ANO3: variants seen among roughly 807,000 people sequenced by gnomAD.
The protein encoded by ANO3 is anoctamin-3.
ANO3 carries 99 observed loss-of-function variants against 144.8 expected under a neutral mutation model. The observed-to-expected ratio is 0.68, with a 90% CI of 0.58 to 0.81. The LOEUF (loss-of-function observed/expected upper bound fraction) is 0.81. Among genes scored for constraint, ANO3 ranks in the 30% least tolerant of loss-of-function variants. The pLI, the probability that ANO3 is intolerant of heterozygous loss-of-function variation, is 0.00. For missense variants in ANO3, 905 were observed against 1,202.2 expected, an observed-to-expected ratio of 0.75 and a Z score of 3.66; for synonymous variants, 414 against 392.6, an observed-to-expected ratio of 1.05 and a Z score of -0.64.
At chr11:26,645,912 A>T (rs572522717) in intron 23 of ANO3, among the ~76,000 whole-genome samples, 56 of 152,310 alleles carry the variant, frequency 3.7e-4, no homozygotes, top group African/African-American at 1.2e-3. Flanking sequence ...AATAAATTTT[A>T]AAAAACTTCC....
Position 26,624,509 on chromosome 11 carries a change from T to A in ANO3, c.1873+11T>A, listed in dbSNP as rs1852518469. 6.3e-7 allele frequency: 1 copy of A among 1,597,020 alleles called. No homozygotes were observed. Among genetic ancestry groups the A allele is most frequent in the Non-Finnish European group, 8.6e-7 (1 of 1,165,534 alleles). ...TCCTCACCAATTTAGGTAAGTCCAT[T>A]TTTCTTACTTCACTCCTTAGTCAGA... is the stretch of plus-strand genomic sequence containing the variant. On this transcript the variant is annotated intron_variant, in intron 18 of 26. Transcript: ENST00000256737.
At chr11:26,350,087 GAAGA>G (rs1855603009) in intron 1 of ANO3, among the ~76,000 whole-genome samples, 1 of 149,990 alleles carries the variant, frequency 6.7e-6, no homozygotes, top group African/African-American at 2.5e-5. Context: ...GGAAGGGGGA[GAAGA>G]AAGAAACAGA....
chr11:26,403,989 C>T (rs755630408), intron 1 of ANO3, among the ~76,000 whole-genome samples: 5 of 151,748 alleles, frequency 3.3e-5, no homozygotes, highest in Non-Finnish European at 5.9e-5. Flanking sequence ...CAAAATTGTA[C>T]CATTCATTAT....
chr11:26,594,234 T>C (rs917536815), intron 14 of ANO3, among the ~76,000 whole-genome samples: 13 of 152,162 alleles, frequency 8.5e-5, no homozygotes, highest in Non-Finnish European at 1.6e-4. Flanking sequence ...TCTTCTGATT[T>C]TGCGTCCCAA....
chr11:26,444,424 C>T (rs933432669), intron 3 of ANO3, among the ~76,000 whole-genome samples: 3 of 152,080 alleles, frequency 2.0e-5, no homozygotes, highest in African/African-American at 7.2e-5. Context: ...ACTAATGTGT[C>T]AACACTTATT....
chr11:26,572,620 T>C (rs1850872092), intron 14 of ANO3, among the ~76,000 whole-genome samples: 2 of 152,022 alleles, frequency 1.3e-5, no homozygotes, highest in Admixed American at 1.3e-4. Context: ...AAAGCCTAAG[T>C]AGAGAAAATG....
intron 1 of ANO3, among the ~76,000 whole-genome samples, chr11:26,336,469 G>T (rs1428697631): frequency 6.6e-6 from 1 of 152,118 alleles, no homozygotes; most frequent in African/African-American, 2.4e-5. Context: ...TAATAAGAAT[G>T]TTTTACACTT....
intron 1 of ANO3, among the ~76,000 whole-genome samples, chr11:26,236,415 T>C (rs1267255837): frequency 7.8e-6 from 1 of 127,706 alleles, no homozygotes; most frequent in Non-Finnish European, 1.8e-5. Context: ...TTTGTTTGCT[T>C]TTTTGGCCTC....
intron 26 of ANO3, among the ~76,000 whole-genome samples, chr11:26,659,279 T>C (rs1188932627): frequency 5.3e-5 from 8 of 152,074 alleles, no homozygotes; most frequent in Non-Finnish European, 1.0e-4. Flanking sequence ...AAACAGCTAA[T>C]AAGCATAGGA....
intron 1 of ANO3, among the ~76,000 whole-genome samples, chr11:26,192,406 T>C (rs1851495190): frequency 6.6e-6 from 1 of 152,172 alleles, no homozygotes; most frequent in Non-Finnish European, 1.5e-5. Context: ...TGTGGCAGTA[T>C]GTTCTCAACA....
chr11:26,232,721 G>A (rs1402493679), intron 1 of ANO3, among the ~76,000 whole-genome samples: 1 of 152,048 alleles, frequency 6.6e-6, no homozygotes, highest in Non-Finnish European at 1.5e-5. Context: ...CATAGGCATG[G>A]GCAAAGACTT....
intron 3 of ANO3, among the ~76,000 whole-genome samples, chr11:26,461,193 A>G (rs1859383325): frequency 6.6e-6 from 1 of 152,092 alleles, no homozygotes; most frequent in African/African-American, 2.4e-5. Context: ...TAAAAACACA[A>G]AACACTCTAT....
chr11:26,453,672 GAGAA>G (rs1245902427), intron 3 of ANO3, among the ~76,000 whole-genome samples: 3 of 152,004 alleles, frequency 2.0e-5, no homozygotes, highest in East Asian at 1.9e-4. Context: ...ACAGATCAAC[GAGAA>G]AGAAAGTTAA....
intron 1 of ANO3, among the ~76,000 whole-genome samples, chr11:26,289,230 G>T (rs1454860789): frequency 6.6e-6 from 1 of 151,848 alleles, no homozygotes. Flanking sequence ...CTTGAAATCA[G>T]CAGACTTGGA....
intron 1 of ANO3, among the ~76,000 whole-genome samples, chr11:26,358,662 ATTT>A (rs1317119245): frequency 1.3e-5 from 2 of 152,118 alleles, no homozygotes; most frequent in South Asian, 4.1e-4. Flanking sequence ...TTTTCATTAC[ATTT>A]TTGAAATGCT....
At chr11:26,509,022 A>ATG (rs1861543916) in intron 5 of ANO3, among the ~76,000 whole-genome samples, 1 of 151,306 alleles carries the variant, frequency 6.6e-6, no homozygotes, top group Non-Finnish European at 1.5e-5. Context: ...CTATATATAT[A>ATG]CAAATATATA....
At chr11:26,236,010 T>G (rs79503718) in intron 1 of ANO3, among the ~76,000 whole-genome samples, 2,311 of 152,248 alleles carry the variant, frequency 0.015, 49 homozygotes, top group East Asian at 0.13. Flanking sequence ...TATATTCTTA[T>G]TTTCCTTCCT....
intron 18 of ANO3, among the ~76,000 whole-genome samples, chr11:26,625,147 A>G (rs976716877): frequency 3.9e-5 from 6 of 152,038 alleles, no homozygotes; most frequent in Non-Finnish European, 2.9e-5. Context: ...GGATGGACTC[A>G]ATTTCCTGAC....
intron 4 of ANO3, among the ~76,000 whole-genome samples, chr11:26,495,269 A>AT (rs57546253): frequency 0.015 from 1,828 of 120,942 alleles, 43 homozygotes; most frequent in African/African-American, 0.053. Flanking sequence ...CGGCTGGCTG[A>AT]TTTTTTTTTT....
Sources: gnomAD v4.1 joint callset for allele counts (sites outside exome capture counted in the v4.1 genomes callset) on GRCh38, gnomAD v4.1.1 for gene constraint, MANE v1.5 for transcripts, NCBI Gene and HGNC (gene_info 2026-07-23, HGNC 2026-07-21) for gene names.